Variants in SLC15A3 observed in about 807,000 individuals in gnomAD.
SLC15A3 encodes osteoclast transporter.
SLC15A3 carries 39 observed loss-of-function variants against 49.2 expected under a neutral mutation model. The ratio of observed to expected loss-of-function variants is 0.79; its 90% CI spans 0.61 to 1.04. The LOEUF is 1.04. Ranked by LOEUF, SLC15A3 falls within the 50% of genes least tolerant of loss-of-function variation. The pLI is 0.00. For missense variants in SLC15A3, 758 were observed against 794.8 expected (o/e 0.95, Z 0.56); for synonymous variants, 339 against 367.0 (o/e 0.92, Z 0.87).
Position 60,946,577 on chromosome 11 carries a change from G to A in SLC15A3, c.803C>T (p.Ala268Val). The A allele has an allele frequency of 6.3e-7, 1 of 1,598,234 alleles. No homozygotes were observed. The highest frequency in any genetic ancestry group is 1.1e-5 in the South Asian group (1 of 89,938). ...CAGCTGGGGGCAGCAGTTTTGGAGA[G>A]CGAGCTTAAGCATAGAGGACACTTG... ...GSQVSSMLKL[A>V]LQNCCPQLWQ... Residue 268 changes from alanine (A) to valine (V), a missense_variant, in exon 2 of 8, where the codon GCT becomes GTT. Ala to Val is a moderately conservative substitution (Grantham distance 64). Around this residue, in one of 3 missense-constraint regions of SLC15A3, gnomAD observed 699 missense variants for 706.7 expected, o/e 0.99. Coordinates refer to ENST00000227880, the MANE Select transcript of SLC15A3 (RefSeq NM_016582.3).
chr11:60,950,271 A>G (rs570603446), intron 1 of SLC15A3, among the ~76,000 whole-genome samples: 23 of 152,304 alleles, frequency 1.5e-4, no homozygotes, highest in Admixed American at 4.6e-4. Context: ...GCACATCCCC[A>G]TAACACACAG....
chr11:60,951,728 T>G lies in SLC15A3; in HGVS notation c.-177A>C. The stretch of plus-strand genomic sequence containing the variant: ...CCCCTCTCCCTTTCTTGCCCTACCC[T>G]TCCTGTCCCTCCGCTCACTACCCGG... On this transcript the variant is annotated 5_prime_UTR_variant, in exon 1 of 8. Coordinates refer to ENST00000227880, the MANE Select transcript of SLC15A3 (RefSeq NM_016582.3). 1 of 294,600 alleles carries G rather than the reference T, an allele frequency of 3.4e-6. No homozygotes were observed. Among genetic ancestry groups the G allele is most frequent in the Non-Finnish European group, 5.1e-6 (1 of 194,226 alleles). The allele number at this position is 294,600 out of a possible 1,614,324, so 18.2% of individuals were successfully genotyped here.
intron 1 of SLC15A3, among the ~76,000 whole-genome samples, chr11:60,949,593 G>A (rs1856878824): frequency 6.6e-6 from 1 of 151,530 alleles, no homozygotes; most frequent in African/African-American, 2.4e-5. Flanking sequence ...GGGCTGGCCT[G>A]GGGGCATGAA....
intron 5 of SLC15A3, chr11:60,939,962 A>G (rs1856686974): frequency 3.7e-6 from 1 of 269,704 alleles, no homozygotes; most frequent in African/African-American, 2.2e-5. Context: ...TAGCACTTTC[A>G]AGTGCTTAAC....
At chr11:60,939,251 G>A (rs1320817824) in intron 6 of SLC15A3, among the ~76,000 whole-genome samples, 4 of 152,302 alleles carry the variant, frequency 2.6e-5, no homozygotes, top group African/African-American at 7.2e-5. Flanking sequence ...GAGCTGGTGT[G>A]GGAAGTTTCT....
intron 2 of SLC15A3, among the ~76,000 whole-genome samples, chr11:60,945,405 C>T (rs565497884): frequency 2.0e-5 from 3 of 152,250 alleles, no homozygotes; most frequent in South Asian, 2.1e-4. Context: ...CAGAACGGCC[C>T]GACTGAGCCC....
At chr11:60,943,155 A>G (rs1856743295) in intron 3 of SLC15A3, 1 of 152,228 alleles carries the variant, frequency 6.6e-6, no homozygotes, top group African/African-American at 2.4e-5. Flanking sequence ...TTAAAACAGC[A>G]TATTTTTAAA....
Position 60,937,983 on chromosome 11 carries a change from C to G in SLC15A3, c.1478G>C (p.Gly493Ala). 1 of 1,614,126 alleles carries G rather than the reference C, an allele frequency of 6.2e-7. No homozygotes were observed. The highest frequency in any genetic ancestry group is 8.5e-7 in the Non-Finnish European group (1 of 1,179,986). Residue 493 changes from glycine (G) to alanine (A), a missense_variant, in exon 7 of 8, where the codon GGC becomes GCC. Physicochemically the swap from Gly to Ala is moderately conservative, Grantham distance 60. This residue lies in a region of SLC15A3 where 699 missense variants were observed against 706.7 expected (regional missense o/e 0.99). Transcript: ENST00000227880. ...AYSEAPRSMQ[G>A]AIMGIFFCLS... ...GCAGAAGAAGATGCCCATGATGGCG[C>G]CCTGCATGGAGCGCGGGGCCTCTGA...
At chr11:60,950,938 C>G in intron 1 of SLC15A3, 56 bp downstream of exon 1, 1 of 1,381,596 alleles carries the variant, frequency 7.2e-7, no homozygotes. Flanking sequence ...TGGGGGCCAG[C>G]CCTCCTTCCC....
chr11:60,951,244 G>T lies in SLC15A3; in HGVS notation c.308C>A (p.Ala103Glu). The T allele has an allele frequency of 6.6e-7, 1 of 1,513,028 alleles. No homozygotes were observed. Among genetic ancestry groups the T allele is most frequent in the Non-Finnish European group, 8.8e-7 (1 of 1,134,462 alleles). The allele number at this position is 1,513,028 out of a possible 1,614,324, so 93.7% of individuals were successfully genotyped here. A position where few individuals can be genotyped will look rare whatever the true frequency, so the allele number is the denominator to read the frequency against. Residue 103 changes from alanine to glutamate, a missense_variant, in exon 1 of 8, where the codon GCG (alanine) becomes GAG (glutamate). Around this residue, in one of 3 missense-constraint regions of SLC15A3, gnomAD observed 699 missense variants for 706.7 expected, o/e 0.99. Transcript: ENST00000227880. ...LADVYLGRYR[A>E]VALSLLLYLA... ...GTAGAGCAGCAGGCTGAGCGCGACC[G>T]CGCGGTAGCGGCCCAGGTACACGTC...
In SLC15A3 at chr11:60,946,612, C is replaced by T. The variant is rs771605559; in HGVS notation, c.768G>A (p.Pro256=). The T allele has an allele frequency of 1.2e-5, 20 of 1,613,352 alleles. No homozygotes were observed. Among genetic ancestry groups the T allele is most frequent in the South Asian group, 8.8e-5 (8 of 91,044 alleles). The change falls in exon 2 of 8, where the codon CCG becomes CCA. Residue 256 remains proline (P), a synonymous_variant. Coordinates refer to ENST00000227880, the MANE Select transcript of SLC15A3 (RefSeq NM_016582.3). ...FATPVFITKP[P]MGSQVSSMLK... ...GCATAGAGGACACTTGGCTGCCCAT[C>T]GGGGGCTTGGTGATGAAGACGGGGG...
chr11:60,937,990 T>G lies in SLC15A3; in HGVS notation c.1471A>C (p.Met491Leu), dbSNP rs1482365259. ...AAGATGCCCATGATGGCGCCCTGCA[T>G]GGAGCGCGGGGCCTCTGAGTAGGCA... ...EFAYSEAPRS[M>L]QGAIMGIFFC... The change falls in exon 7 of 8, where the codon ATG becomes CTG. Residue 491 changes from methionine (M) to leucine (L), a missense_variant. Physicochemically the swap from Met to Leu is conservative, Grantham distance 15 (BLOSUM62 2). This residue lies in a region of SLC15A3 where 699 missense variants were observed against 706.7 expected (regional missense o/e 0.99). Coordinates refer to ENST00000227880, the MANE Select transcript of SLC15A3 (RefSeq NM_016582.3). The G allele has an allele frequency of 9.9e-6, 16 of 1,613,964 alleles. No individual in the cohort carries two copies. Among genetic ancestry groups the G allele is most frequent in the Non-Finnish European group, 1.1e-5 (13 of 1,179,982 alleles).
chr11:60,943,946 T>C, intron 2 of SLC15A3, 110 bp from the exon 3 acceptor site: 2 of 1,109,780 alleles, frequency 1.8e-6, no homozygotes, highest in Non-Finnish European at 1.2e-6. Context: ...TCACCTGAGG[T>C]CAGGAGTTCA....
Position 60,951,870 on chromosome 11 carries a change from A to G in SLC15A3, c.-319T>C, listed in dbSNP as rs1590647376. Reference sequence around the variant, plus strand: ...CCTAACTCTCCCCTCTCCTCCCTCCACCTTGACCCTTCCTCGCACTCTTGT... The same window carrying G: ...CCTAACTCTCCCCTCTCCTCCCTCCGCCTTGACCCTTCCTCGCACTCTTGT... On this transcript the variant is annotated 5_prime_UTR_variant, in exon 1 of 8. Coordinates refer to ENST00000227880, the MANE Select transcript of SLC15A3 (RefSeq NM_016582.3). 1.6e-5 allele frequency: 2 copies of G among 126,960 alleles called. No homozygotes were observed. The highest frequency in any genetic ancestry group is 8.4e-5 in the Admixed American group (1 of 11,976). The allele number at this position is 126,960 out of a possible 1,614,324, so 7.9% of individuals were successfully genotyped here.
In SLC15A3 at chr11:60,941,267, CAGG is replaced by C; in HGVS notation, c.1128_1130del (p.Leu377del). 2 of 1,613,838 alleles carry C rather than the reference CAGG, an allele frequency of 1.2e-6. No individual in the cohort carries two copies. Among genetic ancestry groups the C allele is most frequent in the Non-Finnish European group, 8.5e-7 (1 of 1,179,884 alleles). ...GAATCAGCACCACCACAACATTGGC[CAGG>C]AGGAGCCAGGCTTCCGGGATCTGGG... On this transcript the variant is annotated inframe_deletion, in exon 5 of 8. Transcript: ENST00000227880.
chr11:60,943,673 G>C lies in SLC15A3; in HGVS notation c.996+16C>G, dbSNP rs1359032756. The C allele has an allele frequency of 4.0e-6, 6 of 1,511,118 alleles. No homozygotes were observed. The South Asian group carries it at 7.7e-5, about 19-fold the overall frequency. The allele number at this position is 1,511,118 out of a possible 1,614,324, so 93.6% of individuals were successfully genotyped here. On this transcript the variant is annotated intron_variant, in intron 3 of 7. Coordinates refer to ENST00000227880, the MANE Select transcript of SLC15A3 (RefSeq NM_016582.3). ...GGGGAGCCAGGCCCCCAGAGAAAAAGGGCAGGTATGCTCACCTGGAAGTAG... is the reference window on the plus strand; with the variant it reads ...GGGGAGCCAGGCCCCCAGAGAAAAACGGCAGGTATGCTCACCTGGAAGTAG...
rs764302267 is a variant in SLC15A3, at chr11:60,943,791, C to G, written c.894G>C (p.Gln298His). The G allele has an allele frequency of 3.1e-6, 5 of 1,601,682 alleles. No individual in the cohort carries two copies. The highest frequency in any genetic ancestry group is 4.3e-6 in the Non-Finnish European group (5 of 1,173,432). ...TGTCCTCTTGCGGGGAAGCCCCTGGCTGGGGAGACCTCTCGTCGGCCAGCA... is the reference window on the plus strand; with the variant it reads ...TGTCCTCTTGCGGGGAAGCCCCTGGGTGGGGAGACCTCTCGTCGGCCAGCA... Reference protein sequence around the residue: ...ARVLADERSPQPGASPQEDIA... With the variant: ...ARVLADERSPHPGASPQEDIA... The change falls in exon 3 of 8, where the codon CAG becomes CAC. Residue 298 changes from glutamine to histidine, a missense_variant. Physicochemically the swap from Gln to His is conservative, Grantham distance 24. Around this residue, in one of 3 missense-constraint regions of SLC15A3, gnomAD observed 699 missense variants for 706.7 expected, o/e 0.99. Coordinates refer to ENST00000227880, the MANE Select transcript of SLC15A3 (RefSeq NM_016582.3).
chr11:60,942,144 A>G lies in SLC15A3; in HGVS notation c.998T>C (p.Met333Thr). Residue 333 changes from methionine to threonine, a missense_variant and splice_region_variant, in exon 4 of 8, where the codon ATG (methionine) becomes ACG (threonine). Transcript: ENST00000227880. ...LVPYWMVYFQMQSTYVLQGLH... is the reference protein window; with the variant it reads ...LVPYWMVYFQTQSTYVLQGLH... ...ACCCTGCAGGACATAGGTGGACTGC[A>G]TCTGCCAAGAGAGACAGGGGTGAGG... 2 of 1,613,560 alleles carry G rather than the reference A, an allele frequency of 1.2e-6. No homozygotes were observed. Among genetic ancestry groups the G allele is most frequent in the Non-Finnish European group, 1.7e-6 (2 of 1,179,582 alleles).
At chr11:60,941,631 T>A in intron 4 of SLC15A3, 1 of 331,162 alleles carries the variant, frequency 3.0e-6, no homozygotes, top group Non-Finnish European at 5.5e-6. Flanking sequence ...GCTCTGCAGA[T>A]CATTCATTTC....
Sources: allele counts gnomAD v4.1 joint callset (sites outside exome capture counted in the v4.1 genomes callset), GRCh38; gene constraint gnomAD v4.1.1; regional missense constraint gnomAD v4.1.1; transcripts MANE v1.5; gene names NCBI Gene and HGNC (gene_info 2026-07-23, HGNC 2026-07-21).